SSR1: variants seen among roughly 807,000 people sequenced by gnomAD.
SSR1 encodes the protein signal sequence receptor subunit 1, also known as translocon-associated protein subunit alpha.
SSR1 carries 13 observed loss-of-function variants against 36.1 expected under a neutral mutation model. The ratio of observed to expected loss-of-function variants is 0.36; its 90% CI spans 0.23 to 0.57. SSR1 has a LOEUF of 0.57. Among genes scored for constraint, SSR1 ranks in the 20% least tolerant of loss-of-function variants. The pLI, the probability that SSR1 is intolerant of heterozygous loss-of-function variation, is 0.81. For synonymous variants in SSR1, 113 were observed against 118.9 expected, an observed-to-expected ratio of 0.95 and a Z score of 0.32; for missense variants, 291 against 338.5, an observed-to-expected ratio of 0.86 and a Z score of 1.10.
chr6:7,290,677 GT>G (rs547452130), intron 7 of SSR1, among the ~76,000 whole-genome samples: 10 of 149,814 alleles, frequency 6.7e-5, no homozygotes, highest in Admixed American at 2.7e-4. Context: ...ATTTCGTATT[GT>G]TTTTTTTTGG....
chr6:7,300,126 GTTA>G (rs1757901869), intron 4 of SSR1, among the ~76,000 whole-genome samples: 1 of 152,078 alleles, frequency 6.6e-6, no homozygotes, highest in Non-Finnish European at 1.5e-5. Context: ...ATAACTGTAA[GTTA>G]TTATTTTGAG....
chr6:7,301,289 A>G, intron 4 of SSR1, 21 bp downstream of exon 4: 1 of 1,606,784 alleles, frequency 6.2e-7, no homozygotes, highest in Non-Finnish European at 8.5e-7. Flanking sequence ...TTAAACAAAA[A>G]GAAGGTTTAG....
intron 2 of SSR1, among the ~76,000 whole-genome samples, chr6:7,308,348 A>G (rs1157352955): frequency 6.6e-6 from 1 of 152,224 alleles, no homozygotes; most frequent in Non-Finnish European, 1.5e-5. Context: ...CATAAAAATG[A>G]AAGTAAGTCA....
At chr6:7,293,711 G>T (rs1017553837) in intron 7 of SSR1, among the ~76,000 whole-genome samples, 1 of 152,168 alleles carries the variant, frequency 6.6e-6, no homozygotes, top group Non-Finnish European at 1.5e-5. Flanking sequence ...ACCACGCCTG[G>T]CCAAATATTG....
Position 7,307,234 on chromosome 6 carries a change from T to C in SSR1, c.192+2683A>G, listed in dbSNP as rs571871951. Among the ~76,000 whole-genome samples the C allele has an allele frequency of 3.3e-5, 5 of 151,394 alleles. No homozygotes were observed. In the East Asian group the frequency reaches 1.0e-3, roughly 30 times the overall value. The stretch of plus-strand genomic sequence containing the variant: ...GCAGCCTTGCCTTTGAGGGCCCATC[T>C]TTCTTAGACAGTCTACACACAAGCC... On this transcript the variant is annotated intron_variant, in intron 2 of 7. Coordinates refer to ENST00000244763, the MANE Select transcript of SSR1 (RefSeq NM_003144.5).
intron 2 of SSR1, among the ~76,000 whole-genome samples, chr6:7,306,331 G>A (rs1338762689): frequency 6.6e-6 from 1 of 151,866 alleles, no homozygotes; most frequent in Non-Finnish European, 1.5e-5. Context: ...TTTTAGTAGA[G>A]ACAGGGTTTC....
At chr6:7,295,354 G>A (rs1342524105) in intron 7 of SSR1, 38 bp downstream of exon 7, 1 of 1,504,948 alleles carries the variant, frequency 6.6e-7, no homozygotes, top group South Asian at 1.2e-5. Context: ...TTCCACTTAA[G>A]AGAAAAACTT....
intron 7 of SSR1, among the ~76,000 whole-genome samples, chr6:7,293,493 C>T (rs1227556585): frequency 6.6e-6 from 1 of 151,508 alleles, no homozygotes; most frequent in Non-Finnish European, 1.5e-5. Context: ...GGCTGGAGTG[C>T]AGTGGCACCA....
In SSR1 at chr6:7,281,421, A is replaced by G. The variant is rs1050226; in HGVS notation, c.*8443T>C. 0.34 allele frequency: 51,594 copies of G among 152,194 alleles called. 9,186 individuals are homozygous for G. The highest frequency in any genetic ancestry group is 0.42 in the East Asian group (2,171 of 5,186). 9.4% of individuals were successfully genotyped at this position (152,194 alleles called of 1,614,324 possible). A position where few individuals can be genotyped will look rare whatever the true frequency, so the allele number is the denominator to read the frequency against. On this transcript the variant is annotated 3_prime_UTR_variant, in exon 8 of 8. Coordinates refer to ENST00000244763, the MANE Select transcript of SSR1 (RefSeq NM_003144.5). Reference sequence around the variant, plus strand: ...ATTTTCAGATAGAACCTCACACTGCATAAGTTTCATAACAAACAAACCTAA... The same window carrying G: ...ATTTTCAGATAGAACCTCACACTGCGTAAGTTTCATAACAAACAAACCTAA...
At position 7,289,211 on chromosome 6, in the gene SSR1, G is replaced by C. The variant is rs1757622019; in HGVS notation, c.*653C>G. On this transcript the variant is annotated 3_prime_UTR_variant, in exon 8 of 8. Coordinates refer to ENST00000244763, the MANE Select transcript of SSR1 (RefSeq NM_003144.5). ...GTAGGATTAGGTTTCATATATTAAA[G>C]TCAGCAGAAATTTCATGTTTCACAA... 6.6e-6 allele frequency: 1 copy of C among 152,230 alleles called. No homozygotes were observed. The highest frequency in any genetic ancestry group is 2.1e-4 in the South Asian group (1 of 4,832). The allele number at this position is 152,230 out of a possible 1,614,324, so 9.4% of individuals were successfully genotyped here. A position where few individuals can be genotyped will look rare whatever the true frequency, so the allele number is the denominator to read the frequency against.
chr6:7,294,214 A>G (rs1341218459), intron 7 of SSR1, among the ~76,000 whole-genome samples: 1 of 130,272 alleles, frequency 7.7e-6, no homozygotes, highest in Non-Finnish European at 1.8e-5. Flanking sequence ...AATATTGTCT[A>G]GTTGTAAAAA....
At chr6:7,312,433 T>G (rs1758218661) in intron 1 of SSR1, among the ~76,000 whole-genome samples, 1 of 151,492 alleles carries the variant, frequency 6.6e-6, no homozygotes, top group East Asian at 1.9e-4. Flanking sequence ...ATAACGGGGG[T>G]GACGATGGGG....
At chr6:7,302,354 A>G (rs184001103) in intron 3 of SSR1, among the ~76,000 whole-genome samples, 1 of 152,360 alleles carries the variant, frequency 6.6e-6, no homozygotes, top group Admixed American at 6.5e-5. Flanking sequence ...TTTCTTCTCC[A>G]AACTTCAGTT....
At chr6:7,303,429 T>G (rs1286232072) in intron 3 of SSR1, 121 bp downstream of exon 3, 9 of 594,412 alleles carry the variant, frequency 1.5e-5, no homozygotes, top group Non-Finnish European at 2.4e-5. Flanking sequence ...CTATATCACC[T>G]ACGTATTCCC....
intron 7 of SSR1, among the ~76,000 whole-genome samples, chr6:7,293,433 T>C (rs1431722484): frequency 6.6e-6 from 1 of 151,962 alleles, no homozygotes; most frequent in Non-Finnish European, 1.5e-5. Context: ...TGATTTCCTT[T>C]CCTCCCCACC....
At position 7,301,165 on chromosome 6, in the gene SSR1, G is replaced by T. The variant is rs551305994; in HGVS notation, c.543+145C>A. On this transcript the variant is annotated intron_variant, in intron 4 of 7. Coordinates refer to ENST00000244763, the MANE Select transcript of SSR1 (RefSeq NM_003144.5). ...ACTGGATTAGACTTGAAGAAGAAAC[G>T]TGCAATTTATCTTTGCTTCCCTGGT... The T allele has an allele frequency of 1.1e-4, 110 of 987,114 alleles. 1 individual carries two copies. Among genetic ancestry groups the T allele is most frequent in the Admixed American group, 8.6e-5 (3 of 35,032 alleles). 61.1% of individuals were successfully genotyped at this position (987,114 alleles called of 1,614,324 possible). A position where few individuals can be genotyped will look rare whatever the true frequency, so the allele number is the denominator to read the frequency against.
chr6:7,297,633 G>C (rs991796611), intron 6 of SSR1, among the ~76,000 whole-genome samples: 2 of 152,074 alleles, frequency 1.3e-5, no homozygotes, highest in Admixed American at 6.5e-5. Context: ...GCTGAGTTGA[G>C]AGGATCACTT....
Position 7,289,660 on chromosome 6 carries a change from TA to T in SSR1, c.*203del, listed in dbSNP as rs960832832. The T allele has an allele frequency of 5.1e-5, 28 of 549,150 alleles. No individual in the cohort carries two copies. Among genetic ancestry groups the T allele is most frequent in the African/African-American group, 8.1e-5 (4 of 49,470 alleles). 34.0% of individuals were successfully genotyped at this position (549,150 alleles called of 1,614,324 possible). A position where few individuals can be genotyped will look rare whatever the true frequency, so the allele number is the denominator to read the frequency against. On this transcript the variant is annotated 3_prime_UTR_variant, in exon 8 of 8. Transcript: ENST00000244763. ...CGCACACACATAGATTTTAATGGTT[TA>T]AAAAAAAACCAAATTTGTTACTTTA...
chr6:7,313,107 G>A lies in SSR1; in HGVS notation c.14C>T (p.Pro5Leu), dbSNP rs1758247313. 2 of 1,606,920 alleles carry A rather than the reference G, an allele frequency of 1.2e-6. No homozygotes were observed. The highest frequency in any genetic ancestry group is 1.3e-5 in the African/African-American group (1 of 74,232). The change falls in exon 1 of 8, where the codon CCC becomes CTC. Residue 5 changes from proline (P) to leucine (L), a missense_variant. Pro to Leu is a moderately conservative substitution (Grantham distance 98). Coordinates refer to ENST00000244763, the MANE Select transcript of SSR1 (RefSeq NM_003144.5). ...GAGTAAGAGAAGCAGCAGCAAGCGG[G>A]GGAGGAGTCTCATGGCGCTGCCGGT... MRLL[P>L]RLLLLLLLVF...
Sources: gnomAD v4.1 joint callset for allele counts (sites outside exome capture counted in the v4.1 genomes callset) on GRCh38, gnomAD v4.1.1 for gene constraint, MANE v1.5 for transcripts, NCBI Gene and HGNC (gene_info 2026-07-23, HGNC 2026-07-21) for gene names.